The following SCUBE3 variants were observed in gnomAD, a reference collection of about 807,000 sequenced individuals.
SCUBE3 encodes signal peptide, CUB domain and EGF like domain containing 3, also known as signal peptide, CUB and EGF-like domain-containing protein 3.
A neutral mutation model predicts 116.8 loss-of-function variants in SCUBE3; 33 were observed. The ratio of observed to expected loss-of-function variants is 0.28; its 90% CI spans 0.21 to 0.38. The LOEUF is 0.38. SCUBE3 is among the 10% of genes least tolerant of loss of function. The pLI is 1.00. For missense variants in SCUBE3, 1,007 were observed against 1,324.8 expected, an observed-to-expected ratio of 0.76 and a Z score of 3.72; for synonymous variants, 418 against 496.9, an observed-to-expected ratio of 0.84 and a Z score of 2.11.
In SCUBE3 at chr6:35,231,720, C is replaced by A; in HGVS notation, c.335-5C>A. The A allele has an allele frequency of 6.2e-7, 1 of 1,608,774 alleles. No individual in the cohort carries two copies. Among genetic ancestry groups the A allele is most frequent in the Non-Finnish European group, 8.5e-7 (1 of 1,175,982 alleles). On this transcript the variant is annotated splice_polypyrimidine_tract_variant and splice_region_variant and intron_variant, in intron 3 of 21. Transcript: ENST00000274938. This position sits in a 1 kb window ranked among gnomAD's most constrained non-coding sequence, Gnocchi z 4.2. Reference sequence around the variant, plus strand: ...ATGACCCCACTGACTACCTATCCTGCACAGATGTGGACGAGTGTGCCGAGG... The same window carrying A: ...ATGACCCCACTGACTACCTATCCTGAACAGATGTGGACGAGTGTGCCGAGG...
At chr6:35,238,699 C>T (rs540974490) in intron 7 of SCUBE3, among the ~76,000 whole-genome samples, 41 of 152,336 alleles carry the variant, frequency 2.7e-4, no homozygotes, top group Admixed American at 2.4e-3. Context: ...TAGTTACCCA[C>T]ATTATGCATT....
At chr6:35,215,897 C>T (rs1376408252) in intron 1 of SCUBE3, among the ~76,000 whole-genome samples, 1 of 152,234 alleles carries the variant, frequency 6.6e-6, no homozygotes, top group African/African-American at 2.4e-5. Context: ...TCGCCACTGC[C>T]ACCCCCAACC....
At position 35,235,769 on chromosome 6, in the gene SCUBE3, C is replaced by T. The variant is rs113121062; in HGVS notation, c.713-2133C>T. On this transcript the variant is annotated intron_variant, in intron 6 of 21. Coordinates refer to ENST00000274938, the MANE Select transcript of SCUBE3 (RefSeq NM_152753.4). The surrounding 1 kb of genome is among the most constrained non-coding windows in gnomAD (Gnocchi z 4.5). ...TTCTGCTGTCTCCTCCCACACCCAC[C>T]TTCTAACACCCCACCCCACTCCCAG... 0.014 allele frequency among the ~76,000 whole-genome samples: 2,077 copies of T among 152,252 alleles called. 20 individuals are homozygous for T. Among genetic ancestry groups the T allele is most frequent in the South Asian group, 0.033 (161 of 4,822 alleles).
At position 35,229,146 on chromosome 6, in the gene SCUBE3, C is replaced by T. The variant is rs147916287; in HGVS notation, c.334+407C>T. Among the ~76,000 whole-genome samples, 600 of 152,270 alleles carry T rather than the reference C, an allele frequency of 3.9e-3. 4 individuals carry two copies. The highest frequency in any genetic ancestry group is 6.2e-3 in the Non-Finnish European group (419 of 68,016). ...GGGTGGGACCAGGTGTGGTAGCTCACACCTGTAATCCCAGCACTTTGGGAG... is the reference window on the plus strand; with the variant it reads ...GGGTGGGACCAGGTGTGGTAGCTCATACCTGTAATCCCAGCACTTTGGGAG... On this transcript the variant is annotated intron_variant, in intron 3 of 21. Transcript: ENST00000274938.
chr6:35,248,902 A>G lies in SCUBE3; in HGVS notation c.*197A>G. 1 of 591,176 alleles carries G rather than the reference A, an allele frequency of 1.7e-6. No individual in the cohort carries two copies. Among genetic ancestry groups the G allele is most frequent in the Non-Finnish European group, 3.0e-6 (1 of 334,644 alleles). 36.6% of individuals were successfully genotyped at this position (591,176 alleles called of 1,614,324 possible). On this transcript the variant is annotated 3_prime_UTR_variant, in exon 22 of 22. Coordinates refer to ENST00000274938, the MANE Select transcript of SCUBE3 (RefSeq NM_152753.4). ...CTTGTCTCTCTCTGCCTGCCTCTCTACTGTTCCCCCTTTTCTAACACACTA... is the reference window on the plus strand; with the variant it reads ...CTTGTCTCTCTCTGCCTGCCTCTCTGCTGTTCCCCCTTTTCTAACACACTA...
At chr6:35,247,906 T>G (rs888328906) in intron 21 of SCUBE3, among the ~76,000 whole-genome samples, 2 of 151,806 alleles carry the variant, frequency 1.3e-5, no homozygotes, top group African/African-American at 4.8e-5. Flanking sequence ...CCAAATGAGG[T>G]AAAAGGGCTC....
rs1031800874 is a variant in SCUBE3, at chr6:35,243,161, G to A, written c.1834G>A (p.Gly612Ser). Residue 612 changes from glycine (G) to serine (S), a missense_variant, in exon 15 of 22, where the codon GGC becomes AGC. Coordinates refer to ENST00000274938, the MANE Select transcript of SCUBE3 (RefSeq NM_152753.4). This position sits in a 1 kb window ranked among gnomAD's most constrained non-coding sequence, Gnocchi z 6.6. ...GLDYELAHKP[G>S]LVAGERAEPM... ...TGATTATGAGCTGGCCCACAAGCCG[G>A]GCCTGGTAGCCGGGGAGCGAGCAGA... The A allele has an allele frequency of 1.9e-6, 3 of 1,614,106 alleles. No homozygotes were observed. Among genetic ancestry groups the A allele is most frequent in the Non-Finnish European group, 2.5e-6 (3 of 1,180,046 alleles).
Position 35,243,351 on chromosome 6 carries a change from G to A in SCUBE3, c.1909+115G>A. The A allele has an allele frequency of 1.1e-6, 1 of 940,156 alleles. No homozygotes were observed. The highest frequency in any genetic ancestry group is 1.6e-5 in the African/African-American group (1 of 61,750). 58.2% of individuals were successfully genotyped at this position (940,156 alleles called of 1,614,324 possible). ...TCTCAAATTATGAGGCAGCCAGGATGCTCCTGCCCGCTGTCCTCCCTTCCT... is the reference window on the plus strand; with the variant it reads ...TCTCAAATTATGAGGCAGCCAGGATACTCCTGCCCGCTGTCCTCCCTTCCT... On this transcript the variant is annotated intron_variant, in intron 15 of 21. Transcript: ENST00000274938. The surrounding 1 kb of genome is among the most constrained non-coding windows in gnomAD (Gnocchi z 6.6).
chr6:35,227,798 T>G, intron 2 of SCUBE3, 96 bp downstream of exon 2: 2 of 1,295,692 alleles, frequency 1.5e-6, no homozygotes, highest in African/African-American at 1.5e-5. Flanking sequence ...ACATCAAGGC[T>G]AGAAATTCCA....
intron 1 of SCUBE3, among the ~76,000 whole-genome samples, chr6:35,216,795 C>A (rs1430384317): frequency 6.6e-6 from 1 of 152,130 alleles, no homozygotes; most frequent in East Asian, 1.9e-4. Flanking sequence ...GTTACTATAC[C>A]TCTGGGGGTA....
rs772242270 is a variant in SCUBE3 at position 35,241,565 on chromosome 6, T to C, written c.1218T>C (p.Ser406=). Residue 406 remains serine, a synonymous_variant, in exon 11 of 22, where the codon AGT becomes AGC. Coordinates refer to ENST00000274938, the MANE Select transcript of SCUBE3 (RefSeq NM_152753.4). The surrounding 1 kb of genome is among the most constrained non-coding windows in gnomAD (Gnocchi z 4.1). The part of the protein sequence containing the change: ...DCTEPLKCQG[S]PGASKAMLSC... ...TAGAGCCACTGAAGTGTCAGGGCAG[T>C]CCTGGGGCCTCGAAAGCCATGCTCA... The C allele has an allele frequency of 6.2e-7, 1 of 1,613,986 alleles. No homozygotes were observed. Among genetic ancestry groups the C allele is most frequent in the Non-Finnish European group, 8.5e-7 (1 of 1,179,828 alleles).
intron 1 of SCUBE3, 73 bp from the exon 2 acceptor site, chr6:35,227,506 TG>T (rs978823330): frequency 3.2e-6 from 5 of 1,559,552 alleles, no homozygotes; most frequent in Admixed American, 1.7e-5. Context: ...ATTCTGCCCT[TG>T]GAAGCCCACC....
Position 35,245,155 on chromosome 6 carries a change from T to C in SCUBE3, c.2402-73T>C. The C allele has an allele frequency of 7.2e-7, 1 of 1,391,340 alleles. No homozygotes were observed. Among genetic ancestry groups the C allele is most frequent in the South Asian group, 1.2e-5 (1 of 84,412 alleles). 86.2% of individuals were successfully genotyped at this position (1,391,340 alleles called of 1,614,324 possible). A position where few individuals can be genotyped will look rare whatever the true frequency, so the allele number is the denominator to read the frequency against. On this transcript the variant is annotated intron_variant, in intron 18 of 21. Coordinates refer to ENST00000274938, the MANE Select transcript of SCUBE3 (RefSeq NM_152753.4). The surrounding 1 kb of genome is among the most constrained non-coding windows in gnomAD (Gnocchi z 4.2). ...TGTCTGACCTCTACTTCAGAACTCTTCAATTCCCCCAGCACACTTCCCCAC... is the reference window on the plus strand; with the variant it reads ...TGTCTGACCTCTACTTCAGAACTCTCCAATTCCCCCAGCACACTTCCCCAC...
rs777573324 is a variant in SCUBE3 at position 35,245,655 on chromosome 6, A to T, written c.2599+230A>T. 6.6e-6 allele frequency among the ~76,000 whole-genome samples: 1 copy of T among 152,214 alleles called. No individual in the cohort carries two copies. Among genetic ancestry groups the T allele is most frequent in the South Asian group, 2.1e-4 (1 of 4,826 alleles). The stretch of plus-strand genomic sequence containing the variant: ...AGCTAGCAGTGGGGCTAGAACTCCA[A>T]TGGCGTTACATGTATCACTTTCCTA... On this transcript the variant is annotated intron_variant, in intron 19 of 21. Transcript: ENST00000274938. The surrounding 1 kb of genome is among the most constrained non-coding windows in gnomAD (Gnocchi z 4.2).
At position 35,241,324 on chromosome 6, in the gene SCUBE3, G is replaced by C; in HGVS notation, c.1195+58G>C. 6.5e-7 allele frequency: 1 copy of C among 1,539,348 alleles called. No homozygotes were observed. The highest frequency in any genetic ancestry group is 8.8e-7 in the Non-Finnish European group (1 of 1,130,220). The stretch of plus-strand genomic sequence containing the variant: ...ACTGCCATTTCAGGGAGCAGTTGGG[G>C]TTCTGGAAAGCATAGAGTATCACAT... On this transcript the variant is annotated intron_variant, in intron 10 of 21. Coordinates refer to ENST00000274938, the MANE Select transcript of SCUBE3 (RefSeq NM_152753.4). This position sits in a 1 kb window ranked among gnomAD's most constrained non-coding sequence, Gnocchi z 4.1.
chr6:35,215,828 G>A (rs182408628), intron 1 of SCUBE3, among the ~76,000 whole-genome samples: 13 of 152,134 alleles, frequency 8.5e-5, no homozygotes, highest in African/African-American at 3.1e-4. Flanking sequence ...ACTGGACCCT[G>A]CCCCCACACC....
Position 35,243,260 on chromosome 6 carries a change from G to A in SCUBE3, c.1909+24G>A, listed in dbSNP as rs1484262711. The stretch of plus-strand genomic sequence containing the variant: ...TGGTAAGGGAGCTTACTGGGGAGCA[G>A]GGATGTAGGAAAGACCCAGTTTGGG... On this transcript the variant is annotated intron_variant, in intron 15 of 21. Transcript: ENST00000274938. This position sits in a 1 kb window ranked among gnomAD's most constrained non-coding sequence, Gnocchi z 6.6. The A allele has an allele frequency of 3.8e-6, 6 of 1,599,696 alleles. No individual in the cohort carries two copies. In the African/African-American group the frequency reaches 8.0e-5, roughly 21 times the overall value.
At position 35,228,501 on chromosome 6, in the gene SCUBE3, A is replaced by G. The variant is rs1783412621; in HGVS notation, c.209-113A>G. ...TTAAATGAAAACAGAAAAATGCTAA[A>G]TGGCTTATAGGCCATGAACATAACT... On this transcript the variant is annotated intron_variant, in intron 2 of 21. Coordinates refer to ENST00000274938, the MANE Select transcript of SCUBE3 (RefSeq NM_152753.4). This position sits in a 1 kb window ranked among gnomAD's most constrained non-coding sequence, Gnocchi z 4.9. The G allele has an allele frequency of 4.9e-6, 5 of 1,013,594 alleles. No individual in the cohort carries two copies. The South Asian group carries it at 1.1e-4, about 22-fold the overall frequency. The allele number at this position is 1,013,594 out of a possible 1,614,324, so 62.8% of individuals were successfully genotyped here. A position where few individuals can be genotyped will look rare whatever the true frequency, so the allele number is the denominator to read the frequency against.
At chr6:35,220,125 A>G (rs1783068097) in intron 1 of SCUBE3, among the ~76,000 whole-genome samples, 1 of 152,194 alleles carries the variant, frequency 6.6e-6, no homozygotes, top group African/African-American at 2.4e-5. Context: ...TGCTGAACTA[A>G]GTGCTGAGGT....
Sources: gnomAD v4.1 joint callset for allele counts (sites outside exome capture counted in the v4.1 genomes callset) on GRCh38, gnomAD v4.1.1 for gene constraint, Gnocchi (gnomAD v3.1) non-coding constraint, MANE v1.5 for transcripts, NCBI Gene and HGNC (gene_info 2026-07-23, HGNC 2026-07-21) for gene names.